Variants in ADAMTS19 observed in about 807,000 individuals in gnomAD.
The protein encoded by ADAMTS19 is ADAM metallopeptidase with thrombospondin type 1 motif 19, also known as A disintegrin and metalloproteinase with thrombospondin motifs 19.
ADAMTS19 carries 93 observed loss-of-function variants against 153.3 expected under a neutral mutation model. The observed-to-expected ratio is 0.61, with a 90% CI of 0.51 to 0.72. The LOEUF (loss-of-function observed/expected upper bound fraction) is 0.72, where lower values mean the gene tolerates loss of function less well. ADAMTS19 is among the 30% of genes least tolerant of loss of function. The pLI, the probability that ADAMTS19 is intolerant of heterozygous loss-of-function variation, is 0.00. For synonymous variants in ADAMTS19, 600 were observed against 556.6 expected (o/e 1.08, Z -1.10); for missense variants, 1,482 against 1,552.1 (o/e 0.95, Z 0.76).
At chr5:129,493,295 A>G (rs1750828164) in intron 2 of ADAMTS19, among the ~76,000 whole-genome samples, 1 of 151,960 alleles carries the variant, frequency 6.6e-6, no homozygotes, top group African/African-American at 2.4e-5. Flanking sequence ...TAGAATTTAC[A>G]TTCTTTTAAT....
At chr5:129,686,315 A>G (rs959116438) in intron 18 of ADAMTS19, among the ~76,000 whole-genome samples, 1 of 152,084 alleles carries the variant, frequency 6.6e-6, no homozygotes, top group Admixed American at 6.6e-5. Context: ...GGAGGAATAT[A>G]AAGATATGGG....
intron 2 of ADAMTS19, among the ~76,000 whole-genome samples, chr5:129,484,991 T>C (rs1259333623): frequency 2.0e-5 from 3 of 152,172 alleles, no homozygotes; most frequent in Non-Finnish European, 4.4e-5. Context: ...AAACAAAATT[T>C]AAACAGGGAA....
intron 7 of ADAMTS19, among the ~76,000 whole-genome samples, chr5:129,575,000 T>C (rs1411366689): frequency 1.3e-5 from 2 of 151,944 alleles, no homozygotes; most frequent in African/African-American, 4.8e-5. Context: ...TGTCAAAAAC[T>C]ATATTAAACT....
intron 10 of ADAMTS19, among the ~76,000 whole-genome samples, chr5:129,639,999 T>C (rs1752722190): frequency 1.3e-5 from 2 of 152,222 alleles, no homozygotes; most frequent in Non-Finnish European, 1.5e-5. Context: ...ATATGATTTA[T>C]AGGCATTCTT....
chr5:129,708,590 CAA>C (rs1174701520), intron 21 of ADAMTS19, among the ~76,000 whole-genome samples: 8,688 of 61,000 alleles, frequency 0.14, 78 homozygotes, highest in South Asian at 0.23. Context: ...AGCAGAGAAG[CAA>C]AAAAAAAAAA....
intron 8 of ADAMTS19, among the ~76,000 whole-genome samples, chr5:129,598,098 T>G (rs1477583540): frequency 6.6e-6 from 1 of 152,084 alleles, no homozygotes; most frequent in Non-Finnish European, 1.5e-5. Flanking sequence ...AAAGACATAT[T>G]TAGTTTGGCC....
intron 6 of ADAMTS19, among the ~76,000 whole-genome samples, chr5:129,543,040 G>GTTTTTTTTTT (rs201935631): frequency 6.9e-6 from 1 of 144,752 alleles, no homozygotes; most frequent in Non-Finnish European, 1.5e-5. Flanking sequence ...TGTTGTTGTT[G>GTTTTTTTTTT]TTGTTTTGTT....
intron 21 of ADAMTS19, among the ~76,000 whole-genome samples, 199 bp from the exon 22 acceptor site, chr5:129,734,733 T>C (rs1757590636): frequency 6.6e-6 from 1 of 152,006 alleles, no homozygotes; most frequent in Admixed American, 6.6e-5. Flanking sequence ...CTGTCTCAGA[T>C]CAGCCAGAGG....
chr5:129,460,305 T>C lies in ADAMTS19; in HGVS notation c.-87T>C, dbSNP rs1749598524. ...TGGGCAAATTCGCCGCCCGGCCTCC[T>C]AGCGCTCCGGGGAGGCCGCTGCGCC... is the stretch of plus-strand genomic sequence containing the variant. On this transcript the variant is annotated 5_prime_UTR_variant, in exon 1 of 23. Transcript: ENST00000274487. The C allele has an allele frequency of 8.5e-6, 7 of 823,404 alleles. No homozygotes were observed. The highest frequency in any genetic ancestry group is 8.3e-5 in the Admixed American group (3 of 36,300). The allele number at this position is 823,404 out of a possible 1,614,324, so 51.0% of individuals were successfully genotyped here.
At chr5:129,499,537 T>G (rs1048383454) in intron 2 of ADAMTS19, among the ~76,000 whole-genome samples, 1 of 152,104 alleles carries the variant, frequency 6.6e-6, no homozygotes, top group Non-Finnish European at 1.5e-5. Flanking sequence ...AAGGAAAAGA[T>G]AGAAAAGGCC....
intron 7 of ADAMTS19, among the ~76,000 whole-genome samples, chr5:129,583,418 A>G (rs1581112482): frequency 6.6e-6 from 1 of 152,080 alleles, no homozygotes; most frequent in South Asian, 2.1e-4. Context: ...GAGTATCTTT[A>G]TGGTGTTCTC....
At chr5:129,677,914 G>A (rs544829496) in intron 16 of ADAMTS19, among the ~76,000 whole-genome samples, 1 of 152,184 alleles carries the variant, frequency 6.6e-6, no homozygotes, top group Non-Finnish European at 1.5e-5. Context: ...CTAGGTTCAA[G>A]CGATCCACCC....
At chr5:129,644,878 A>G (rs1417152498) in intron 11 of ADAMTS19, among the ~76,000 whole-genome samples, 1 of 152,198 alleles carries the variant, frequency 6.6e-6, no homozygotes, top group Non-Finnish European at 1.5e-5. Context: ...TCTTGAAATT[A>G]CCATCATAAT....
intron 21 of ADAMTS19, among the ~76,000 whole-genome samples, chr5:129,724,199 A>G (rs1757115719): frequency 7.2e-5 from 11 of 152,250 alleles, no homozygotes; most frequent in Admixed American, 7.2e-4. Flanking sequence ...GATTTTTCCC[A>G]CAAGAGCAGC....
At chr5:129,474,924 C>T (rs1750177493) in intron 2 of ADAMTS19, among the ~76,000 whole-genome samples, 1 of 152,116 alleles carries the variant, frequency 6.6e-6, no homozygotes, top group Admixed American at 6.5e-5. Context: ...CTTTTGCCAA[C>T]TTGTTAATTA....
intron 2 of ADAMTS19, among the ~76,000 whole-genome samples, chr5:129,508,521 CT>C (rs1199582306): frequency 6.6e-6 from 1 of 151,922 alleles, no homozygotes; most frequent in Non-Finnish European, 1.5e-5. Context: ...TGAAATGAAA[CT>C]TGTTTATGTA....
chr5:129,467,802 T>C (rs1476887049), intron 2 of ADAMTS19, among the ~76,000 whole-genome samples: 1 of 152,252 alleles, frequency 6.6e-6, no homozygotes, highest in African/African-American at 2.4e-5. Context: ...TGAAAAATCT[T>C]CCTCAAATAC....
chr5:129,648,304 G>C (rs1030199200), intron 12 of ADAMTS19, among the ~76,000 whole-genome samples: 1 of 152,184 alleles, frequency 6.6e-6, no homozygotes, highest in Non-Finnish European at 1.5e-5. Flanking sequence ...GGTACAGACA[G>C]GAATTATTAT....
chr5:129,527,183 A>G (rs1752040517), intron 4 of ADAMTS19, among the ~76,000 whole-genome samples: 1 of 151,890 alleles, frequency 6.6e-6, no homozygotes, highest in Admixed American at 6.6e-5. Context: ...CTGTTGGGCA[A>G]ACCTCATTCA....
Sources: gnomAD v4.1 joint callset for allele counts (sites outside exome capture counted in the v4.1 genomes callset) on GRCh38, gnomAD v4.1.1 for gene constraint, MANE v1.5 for transcripts, NCBI Gene and HGNC (gene_info 2026-07-23, HGNC 2026-07-21) for gene names.